The following VPS13A variants were observed in gnomAD, a reference collection of about 807,000 sequenced individuals.
The protein encoded by VPS13A is intermembrane lipid transfer protein VPS13A.
VPS13A carries 264 observed loss-of-function variants against 390.9 expected under a neutral mutation model. The ratio of observed to expected loss-of-function variants is 0.68; its 90% CI spans 0.61 to 0.75. The LOEUF is 0.75. Among genes scored for constraint, VPS13A ranks in the 30% least tolerant of loss-of-function variants. The pLI is 0.00. For synonymous variants in VPS13A, 1,231 were observed against 1,227.1 expected (o/e 1.00, Z -0.07); for missense variants, 3,409 against 3,733.9 (o/e 0.91, Z 2.27).
chr9:77,351,313 T>G lies in VPS13A; in HGVS notation c.7290-4T>G, dbSNP rs1042829625. On this transcript the variant is annotated splice_region_variant and splice_polypyrimidine_tract_variant and intron_variant, in intron 52 of 71. Transcript: ENST00000360280. Reference sequence around the variant, plus strand: ...TTTAACGCGTATTTTTGCTACTGTGTCAGTTCTCTCAGTGAAATAGAAGAT... The same window carrying G: ...TTTAACGCGTATTTTTGCTACTGTGGCAGTTCTCTCAGTGAAATAGAAGAT... The G allele has an allele frequency of 6.8e-6, 11 of 1,613,176 alleles. No individual in the cohort carries two copies. In the African/African-American group the frequency reaches 1.3e-4, roughly 20 times the overall value.
chr9:77,242,043 A>G (rs971087813), intron 19 of VPS13A, among the ~76,000 whole-genome samples: 2 of 152,130 alleles, frequency 1.3e-5, no homozygotes, highest in African/African-American at 4.8e-5. Context: ...GGCTGAAATT[A>G]TCTTTGGAGT....
intron 9 of VPS13A, 80 bp downstream of exon 9, chr9:77,213,394 C>G (rs1826080592): frequency 2.5e-6 from 3 of 1,176,964 alleles, no homozygotes; most frequent in African/African-American, 1.5e-5. Flanking sequence ...ATCTAATATA[C>G]TGTAGTCAGT....
At chr9:77,377,418 A>G (rs532050238) in intron 67 of VPS13A, among the ~76,000 whole-genome samples, 2 of 151,554 alleles carry the variant, frequency 1.3e-5, no homozygotes, top group Non-Finnish European at 2.9e-5. Flanking sequence ...ACGGGGTTTC[A>G]CCTTGTTAGC....
intron 68 of VPS13A, chr9:77,390,053 A>G: frequency 1.0e-6 from 1 of 985,252 alleles, no homozygotes; most frequent in Non-Finnish European, 1.2e-6. Flanking sequence ...CAGGAGGAGA[A>G]TGACTACTAA....
At chr9:77,323,307 T>A in intron 45 of VPS13A, 80 bp downstream of exon 45, 1 of 1,498,404 alleles carries the variant, frequency 6.7e-7, no homozygotes, top group Non-Finnish European at 9.3e-7. Flanking sequence ...AACAACAAAT[T>A]ATTACTGAAA....
At chr9:77,340,766 G>A in intron 50 of VPS13A, 1 of 537,860 alleles carries the variant, frequency 1.9e-6, no homozygotes, top group African/African-American at 1.9e-5. Flanking sequence ...CTTGTTAAGG[G>A]AGGTAGACGT....
chr9:77,354,446 CT>C (rs1435044059), intron 54 of VPS13A, among the ~76,000 whole-genome samples: 1 of 151,768 alleles, frequency 6.6e-6, no homozygotes, highest in Non-Finnish European at 1.5e-5. Context: ...TTTTTAAGAC[CT>C]TTAGACCTAT....
chr9:77,269,836 G>C (rs1486266418), intron 23 of VPS13A, among the ~76,000 whole-genome samples: 2 of 152,146 alleles, frequency 1.3e-5, no homozygotes, highest in Non-Finnish European at 2.9e-5. Context: ...TTACAGATAG[G>C]TTCTTTACAG....
At position 77,221,368 on chromosome 9, in the gene VPS13A, A is replaced by C. The variant is rs1823202815; in HGVS notation, c.1161+12A>C. On this transcript the variant is annotated intron_variant, in intron 13 of 71. Transcript: ENST00000360280. The stretch of plus-strand genomic sequence containing the variant: ...TCGTGTCTTTGGAGGTTAGCATTTA[A>C]AATGAAATTGTTGAGTGTTTTATAC... The C allele has an allele frequency of 1.2e-6, 2 of 1,611,696 alleles. No individual in the cohort carries two copies. Among genetic ancestry groups the C allele is most frequent in the African/African-American group, 1.3e-5 (1 of 74,852 alleles).
chr9:77,370,738 A>G, intron 65 of VPS13A, 152 bp from the exon 66 acceptor site: 1 of 1,251,072 alleles, frequency 8.0e-7, no homozygotes, highest in Non-Finnish European at 1.1e-6. Context: ...AGTAGCCTCT[A>G]AAACATTCTG....
intron 71 of VPS13A, among the ~76,000 whole-genome samples, chr9:77,409,560 A>C (rs1007894604): frequency 8.5e-5 from 13 of 152,170 alleles, no homozygotes; most frequent in African/African-American, 3.1e-4. Flanking sequence ...AAAAAAAATT[A>C]GATGAATGGC....
At chr9:77,222,285 T>A (rs1441882638) in intron 13 of VPS13A, among the ~76,000 whole-genome samples, 2 of 152,126 alleles carry the variant, frequency 1.3e-5, no homozygotes, top group East Asian at 3.9e-4. Context: ...CAAGTCTGGA[T>A]AGGAGAACCC....
At chr9:77,321,857 T>C (rs960587164) in intron 44 of VPS13A, 111 bp downstream of exon 44, 1 of 1,372,552 alleles carries the variant, frequency 7.3e-7, no homozygotes, top group Admixed American at 2.2e-5. Context: ...TTTTTGTTTT[T>C]GTTTTTTTAA....
In VPS13A at chr9:77,353,632, G is replaced by A; in HGVS notation, c.7643G>A (p.Gly2548Asp). 6.2e-7 allele frequency: 1 copy of A among 1,612,808 alleles called. No homozygotes were observed. The highest frequency in any genetic ancestry group is 8.5e-7 in the Non-Finnish European group (1 of 1,179,184). ...ACGAAGCAAGAAGTAGCCTATATAG[G>A]CATTACAAGGTTAGATGCATTAAAT... ...NYTKQEVAYI[G>D]ITSSDVVWET... is the part of the protein sequence containing the mutation. Residue 2548 changes from glycine (G) to aspartate (D), a missense_variant, in exon 54 of 72, where the codon GGC becomes GAC. Gly to Asp is a moderately conservative substitution (Grantham distance 94). Around this residue, in one of 5 missense-constraint regions of VPS13A, gnomAD observed 221 missense variants for 300.7 expected, o/e 0.73. Transcript: ENST00000360280.
At chr9:77,325,317 C>T (rs1423605441) in intron 45 of VPS13A, among the ~76,000 whole-genome samples, 2 of 152,004 alleles carry the variant, frequency 1.3e-5, no homozygotes, top group East Asian at 1.9e-4. Flanking sequence ...CAGACCGGTA[C>T]AGCCCATGGC....
chr9:77,315,573 A>G (rs1829336571), intron 38 of VPS13A, 103 bp downstream of exon 38: 1 of 1,151,194 alleles, frequency 8.7e-7, no homozygotes, highest in African/African-American at 1.6e-5. Context: ...TGCTTTAAGA[A>G]ATTAAAATTT....
intron 17 of VPS13A, among the ~76,000 whole-genome samples, chr9:77,229,177 C>G (rs1349747698): frequency 6.6e-6 from 1 of 152,004 alleles, no homozygotes; most frequent in Non-Finnish European, 1.5e-5. Flanking sequence ...TTCCTGGGCT[C>G]AGGCTAACCT....
chr9:77,363,545 G>A (rs1014867725), intron 59 of VPS13A, among the ~76,000 whole-genome samples: 1 of 151,848 alleles, frequency 6.6e-6, no homozygotes, highest in Non-Finnish European at 1.5e-5. Context: ...CCGAGTAGCT[G>A]GGATTACAGG....
At chr9:77,288,498 A>G (rs983834961) in intron 31 of VPS13A, among the ~76,000 whole-genome samples, 1 of 152,134 alleles carries the variant, frequency 6.6e-6, no homozygotes, top group Non-Finnish European at 1.5e-5. Context: ...AGTATTTTCT[A>G]ATTTCTCTTC....
Sources: gnomAD v4.1 joint callset for allele counts (sites outside exome capture counted in the v4.1 genomes callset) on GRCh38, gnomAD v4.1.1 for gene constraint, gnomAD v4.1.1 regional missense constraint, MANE v1.5 for transcripts, NCBI Gene and HGNC (gene_info 2026-07-23, HGNC 2026-07-21) for gene names.